The following PHC3 variants were observed in gnomAD, a reference collection of about 807,000 sequenced individuals.
PHC3 encodes polyhomeotic homolog 3, also known as polyhomeotic-like protein 3.
Under a neutral mutation model 107.4 loss-of-function variants are expected in PHC3, and 13 were observed. The ratio of observed to expected loss-of-function variants is 0.12; its 90% CI spans 0.08 to 0.19. PHC3 has a LOEUF of 0.19. PHC3 is among the 10% of genes least tolerant of loss of function. The pLI, the probability that PHC3 is intolerant of heterozygous loss-of-function variation, is 1.00. For missense variants in PHC3, 992 were observed against 1,210.9 expected (o/e 0.82, Z 2.68); for synonymous variants, 456 against 427.4 (o/e 1.07, Z -0.83).
chr3:170,181,104 G>A (rs1002046317), intron 1 of PHC3, among the ~76,000 whole-genome samples: 2 of 152,192 alleles, frequency 1.3e-5, no homozygotes, highest in Non-Finnish European at 2.9e-5. Context: ...GAGAATCGAG[G>A]GAAAGACCTT....
intron 5 of PHC3, among the ~76,000 whole-genome samples, chr3:170,145,729 T>C (rs1283365850): frequency 6.6e-6 from 1 of 152,222 alleles, no homozygotes; most frequent in African/African-American, 2.4e-5. Flanking sequence ...AAACAGCTCA[T>C]GATTCTGATG....
chr3:170,117,500 T>C (rs1719254659), intron 9 of PHC3, 24 bp from the exon 10 acceptor site: 7 of 1,580,214 alleles, frequency 4.4e-6, no homozygotes, highest in Admixed American at 3.8e-5. Context: ...CAAAAAGTCA[T>C]TTAAAAATTT....
chr3:170,117,606 T>C (rs1167458327), intron 9 of PHC3, 130 bp from the exon 10 acceptor site: 1 of 872,274 alleles, frequency 1.1e-6, no homozygotes, highest in East Asian at 2.6e-5. Context: ...CTAAGAACCT[T>C]AAGACCTCAT....
chr3:170,173,107 G>A (rs1234259748), intron 2 of PHC3, among the ~76,000 whole-genome samples: 1 of 151,488 alleles, frequency 6.6e-6, no homozygotes, highest in Non-Finnish European at 1.5e-5. Context: ...CAGGAGAATC[G>A]CTTGAACCTG....
At chr3:170,168,808 T>C (rs1181340969) in intron 4 of PHC3, among the ~76,000 whole-genome samples, 1 of 150,628 alleles carries the variant, frequency 6.6e-6, no homozygotes, top group Non-Finnish European at 1.5e-5. Flanking sequence ...AGTGTAGAAT[T>C]AGTCATGATT....
intron 6 of PHC3, among the ~76,000 whole-genome samples, chr3:170,141,425 C>T (rs911809354): frequency 6.6e-6 from 1 of 152,086 alleles, no homozygotes; most frequent in Non-Finnish European, 1.5e-5. Context: ...AATCTGGACC[C>T]CAAAGACCAC....
rs1721247441 is a variant in PHC3, at chr3:170,126,430, A to C, written c.1788+2254T>G. On this transcript the variant is annotated intron_variant, in intron 8 of 14. Transcript: ENST00000495893. ...TAATATCATTTTTTAAACTTCCAAA[A>C]ATGTTTTAAGGTAGAAGTGCAGGAA... 2.7e-5 allele frequency among the ~76,000 whole-genome samples: 4 copies of C among 150,164 alleles called. No homozygotes were observed. In the South Asian group the frequency reaches 8.3e-4, roughly 31 times the overall value.
At chr3:170,168,566 C>A (rs911172840) in intron 4 of PHC3, among the ~76,000 whole-genome samples, 2 of 151,920 alleles carry the variant, frequency 1.3e-5, no homozygotes, top group Admixed American at 1.3e-4. Flanking sequence ...GAGATTGAGA[C>A]CATCATGGCT....
In PHC3 at chr3:170,172,652, A is replaced by C. The variant is rs1403429638; in HGVS notation, c.241T>G (p.Tyr81Asp). The change falls in exon 3 of 15, where the codon TAT (tyrosine) becomes GAT (aspartate). Residue 81 changes from tyrosine (Y) to aspartate (D), a missense_variant. Transcript: ENST00000495893. ...SSAAQYLQQM[Y>D]AAQQQHLMLH... Reference sequence around the variant, plus strand: ...ATCAAGTGCTGTTGTTGGGCTGCATACATTTGCTGAAGGTACTGAGCAGCT... The same window carrying C: ...ATCAAGTGCTGTTGTTGGGCTGCATCCATTTGCTGAAGGTACTGAGCAGCT... 6.2e-7 allele frequency: 1 copy of C among 1,613,496 alleles called. No homozygotes were observed. Among genetic ancestry groups the C allele is most frequent in the Admixed American group, 1.7e-5 (1 of 60,002 alleles).
At chr3:170,156,654 G>A (rs1367424120) in intron 4 of PHC3, among the ~76,000 whole-genome samples, 1 of 151,522 alleles carries the variant, frequency 6.6e-6, no homozygotes, top group Non-Finnish European at 1.5e-5. Flanking sequence ...CTGGAGTGCA[G>A]TGGCGCCATC....
intron 4 of PHC3, among the ~76,000 whole-genome samples, chr3:170,162,250 T>G (rs1728014431): frequency 6.6e-6 from 1 of 152,176 alleles, no homozygotes; most frequent in Non-Finnish European, 1.5e-5. Flanking sequence ...AGGAGCCACA[T>G]GAGACATCAT....
rs544811647 is a variant in PHC3, at chr3:170,128,291, G to A, written c.1788+393C>T. On this transcript the variant is annotated intron_variant, in intron 8 of 14. Transcript: ENST00000495893. ...AAGGGTTAGGCTAGATAAACCATACGTTTTGAGAACATACAAGCCAACAGA... is the reference window on the plus strand; with the variant it reads ...AAGGGTTAGGCTAGATAAACCATACATTTTGAGAACATACAAGCCAACAGA... 2.1e-5 allele frequency: 24 copies of A among 1,119,592 alleles called. No homozygotes were observed. The South Asian group carries it at 2.7e-4, about 13-fold the overall frequency. 69.4% of individuals were successfully genotyped at this position (1,119,592 alleles called of 1,614,324 possible).
chr3:170,128,250 G>GA, intron 8 of PHC3: 1 of 645,910 alleles, frequency 1.5e-6, no homozygotes, highest in Non-Finnish European at 2.1e-6. Flanking sequence ...CAAGACTCTA[G>GA]GATGCATAAA....
At position 170,095,623 on chromosome 3, in the gene PHC3, T is replaced by G. The variant is rs946773357; in HGVS notation, c.*1607A>C. 1.3e-5 allele frequency: 2 copies of G among 152,066 alleles called. No homozygotes were observed. The highest frequency in any genetic ancestry group is 4.8e-5 in the African/African-American group (2 of 41,430). 9.4% of individuals were successfully genotyped at this position (152,066 alleles called of 1,614,324 possible). On this transcript the variant is annotated 3_prime_UTR_variant, in exon 15 of 15. Coordinates refer to ENST00000495893, the MANE Select transcript of PHC3 (RefSeq NM_024947.4). Reference sequence around the variant, plus strand: ...CTCACGGACTCTTTTTTTCCCCTCCTTACTCGACTTCTGCCAAATATCTGT... The same window carrying G: ...CTCACGGACTCTTTTTTTCCCCTCCGTACTCGACTTCTGCCAAATATCTGT...
rs538028492 is a variant in PHC3, at chr3:170,088,828, T to G, written c.*8402A>C. ...TCAATTAGTTTGAAAGATTCTAATA[T>G]AGATTCTAACCCAACAGTTTATATG... On this transcript the variant is annotated 3_prime_UTR_variant, in exon 15 of 15. Transcript: ENST00000495893. The G allele has an allele frequency of 6.6e-6, 1 of 152,298 alleles. No homozygotes were observed. The highest frequency in any genetic ancestry group is 6.5e-5 in the Admixed American group (1 of 15,286). 9.4% of individuals were successfully genotyped at this position (152,298 alleles called of 1,614,324 possible).
chr3:170,147,690 T>G (rs1725222443), intron 5 of PHC3: 1 of 152,162 alleles, frequency 6.6e-6, no homozygotes, highest in Non-Finnish European at 1.5e-5. Context: ...GCCTTGAGCA[T>G]CCTCAGATTT....
intron 6 of PHC3, 112 bp from the exon 7 acceptor site, chr3:170,136,777 G>A (rs976838256): frequency 1.2e-5 from 14 of 1,139,804 alleles, no homozygotes; most frequent in East Asian, 8.1e-5. Flanking sequence ...CTTTTCATAC[G>A]TAAAGCTCCA....
intron 4 of PHC3, among the ~76,000 whole-genome samples, chr3:170,161,455 C>T (rs553199207): frequency 3.9e-5 from 6 of 152,276 alleles, no homozygotes; most frequent in African/African-American, 1.4e-4. Context: ...TGAAACTGTT[C>T]CATCTCAGAT....
chr3:170,112,071 A>C (rs544830766), intron 11 of PHC3, among the ~76,000 whole-genome samples: 1 of 152,342 alleles, frequency 6.6e-6, no homozygotes, highest in African/African-American at 2.4e-5. Context: ...AGAACACGGC[A>C]ATTCAGAATC....
Sources: allele counts gnomAD v4.1 joint callset (sites outside exome capture counted in the v4.1 genomes callset), GRCh38; gene constraint gnomAD v4.1.1; transcripts MANE v1.5; gene names NCBI Gene and HGNC (gene_info 2026-07-23, HGNC 2026-07-21).